The following CLNK variants were observed in gnomAD, a reference collection of about 807,000 sequenced individuals.
CLNK encodes the protein cytokine-dependent hematopoietic cell linker.
CLNK carries 74 observed loss-of-function variants against 68.6 expected under a neutral mutation model. The ratio of observed to expected loss-of-function variants is 1.08; its 90% CI spans 0.89 to 1.31. The LOEUF is 1.31. Ranked by LOEUF, CLNK falls within the 50% of genes most tolerant of loss-of-function variation. The probability of loss-of-function intolerance (pLI) is 0.00; values close to 1 mark genes in which losing one functional copy is unlikely to be tolerated. For synonymous variants in CLNK, 198 were observed against 172.2 expected (o/e 1.15, Z -1.17); for missense variants, 553 against 515.3 (o/e 1.07, Z -0.71).
rs888526642 is a variant in CLNK, at chr4:10,491,014, C to T, written c.1141-401G>A. On this transcript the variant is annotated intron_variant, in intron 18 of 18. Transcript: ENST00000226951. ...TCCTGACCTCAGGTGATCCACCCGC[C>T]TCGGCATCCCAAAGTGCTGGGATTA... is the stretch of plus-strand genomic sequence containing the variant. Among the ~76,000 whole-genome samples, 222 of 152,224 alleles carry T rather than the reference C, an allele frequency of 1.5e-3. 4 individuals carry two copies. Among genetic ancestry groups the T allele is most frequent in the Admixed American group, 7.2e-4 (11 of 15,286 alleles).
chr4:10,522,721 TAAAAGAAACA>T (rs1470889785), intron 14 of CLNK, among the ~76,000 whole-genome samples: 3 of 152,204 alleles, frequency 2.0e-5, no homozygotes, highest in African/African-American at 7.2e-5. Context: ...GCTTAGTTTA[TAAAAGAAACA>T]CATCCTTGTA....
At chr4:10,693,109 G>T in the CLNK span, among the ~76,000 whole-genome samples, 6 of 152,198 alleles carry the variant, frequency 3.9e-5, no homozygotes, top group Non-Finnish European at 7.3e-5. Flanking sequence ...GGACTTGCAA[G>T]ATAGCTGTTT....
chr4:10,508,394 A>G (rs572417954), intron 16 of CLNK, among the ~76,000 whole-genome samples: 2 of 152,298 alleles, frequency 1.3e-5, no homozygotes, highest in Admixed American at 6.5e-5. Context: ...TGAAGCCTAC[A>G]CTGCCCTAGT....
At chr4:10,688,854 A>T (rs550653412), upstream of CLNK, among the ~76,000 whole-genome samples, 31 of 152,292 alleles carry the variant, frequency 2.0e-4, no homozygotes, top group South Asian at 6.2e-3. Flanking sequence ...ATATCATTTT[A>T]TTATTTTAAC....
upstream of CLNK, among the ~76,000 whole-genome samples, chr4:10,686,815 A>T (rs1056814938): frequency 6.6e-6 from 1 of 152,128 alleles, no homozygotes; most frequent in Non-Finnish European, 1.5e-5. Context: ...AAGTCTAATG[A>T]TATGAATATT....
chr4:10,676,479 A>G (rs1220924734), intron 1 of CLNK, among the ~76,000 whole-genome samples: 2 of 147,678 alleles, frequency 1.4e-5, no homozygotes, highest in African/African-American at 5.0e-5. Flanking sequence ...AAATTTTGCA[A>G]CTGTCCTGGT....
chr4:10,495,376 C>A (rs1716761617), intron 18 of CLNK, among the ~76,000 whole-genome samples: 1 of 152,160 alleles, frequency 6.6e-6, no homozygotes, highest in Non-Finnish European at 1.5e-5. Flanking sequence ...TGATGTTCTA[C>A]CAATCTCATT....
intron 8 of CLNK, among the ~76,000 whole-genome samples, chr4:10,552,357 A>T (rs1031677586): frequency 6.6e-6 from 1 of 152,208 alleles, no homozygotes; most frequent in Non-Finnish European, 1.5e-5. Flanking sequence ...GAACAGCCTG[A>T]GTCCAGCTAA....
intron 2 of CLNK, among the ~76,000 whole-genome samples, chr4:10,617,529 T>C (rs1684681929): frequency 6.6e-6 from 1 of 152,250 alleles, no homozygotes; most frequent in African/African-American, 2.4e-5. Flanking sequence ...TGTCATTTTC[T>C]GTACTAGACA....
At chr4:10,549,302 A>G (rs1045370229) in intron 8 of CLNK, among the ~76,000 whole-genome samples, 13 of 152,252 alleles carry the variant, frequency 8.5e-5, no homozygotes. Context: ...TTGAACAAGC[A>G]AAGTAACTTG....
chr4:10,531,000 T>C (rs1006211191), intron 12 of CLNK, among the ~76,000 whole-genome samples: 3 of 152,238 alleles, frequency 2.0e-5, no homozygotes, highest in African/African-American at 7.2e-5. Context: ...TTAGGGGTAA[T>C]AAATGTCTCG....
chr4:10,612,801 A>G (rs541214251), intron 2 of CLNK, among the ~76,000 whole-genome samples: 5 of 152,330 alleles, frequency 3.3e-5, no homozygotes, highest in African/African-American at 9.6e-5. Flanking sequence ...GGAGTCAATC[A>G]TTATATCTCA....
At chr4:10,630,361 G>T (rs1722837671) in intron 2 of CLNK, among the ~76,000 whole-genome samples, 1 of 152,198 alleles carries the variant, frequency 6.6e-6, no homozygotes, top group Admixed American at 6.5e-5. Flanking sequence ...GAAAAAAATG[G>T]AGATTCATGA....
chr4:10,688,566 T>C (rs1343794167), upstream of CLNK, among the ~76,000 whole-genome samples: 1 of 152,166 alleles, frequency 6.6e-6, no homozygotes. Context: ...CCCACCCAGT[T>C]ACACTAATTG....
At chr4:10,612,754 C>G (rs1722080610) in intron 2 of CLNK, among the ~76,000 whole-genome samples, 2 of 152,148 alleles carry the variant, frequency 1.3e-5, no homozygotes, top group African/African-American at 4.8e-5. Context: ...TTTCAAAGCA[C>G]TTATCAAAAG....
intron 2 of CLNK, among the ~76,000 whole-genome samples, chr4:10,622,489 C>A (rs574278295): frequency 4.6e-5 from 7 of 152,160 alleles, no homozygotes; most frequent in Non-Finnish European, 1.0e-4. Flanking sequence ...GCATGAAAGC[C>A]CTGACCAAGG....
At chr4:10,576,778 G>A (rs1367471774) in intron 4 of CLNK, among the ~76,000 whole-genome samples, 1 of 152,224 alleles carries the variant, frequency 6.6e-6, no homozygotes, top group Admixed American at 6.5e-5. Context: ...CTCCTCTGGT[G>A]ACATTTATTC....
chr4:10,549,825 G>A (rs1406400744), intron 8 of CLNK, among the ~76,000 whole-genome samples: 1 of 152,214 alleles, frequency 6.6e-6, no homozygotes, highest in African/African-American at 2.4e-5. Flanking sequence ...TCTTGGAGAA[G>A]CCAGGCATGC....
intron 18 of CLNK, among the ~76,000 whole-genome samples, chr4:10,492,224 T>A (rs1477609453): frequency 1.3e-5 from 2 of 152,168 alleles, no homozygotes; most frequent in African/African-American, 4.8e-5. Flanking sequence ...GAAGGCTCAC[T>A]TTTCTGGATA....
Sources: allele counts gnomAD v4.1 joint callset (sites outside exome capture counted in the v4.1 genomes callset), GRCh38; gene constraint gnomAD v4.1.1; transcripts MANE v1.5; gene names NCBI Gene and HGNC (gene_info 2026-07-23, HGNC 2026-07-21).